Variants in CHSY3 observed in about 807,000 individuals in gnomAD.
The protein encoded by CHSY3 is chondroitin sulfate synthase 3.
In CHSY3, 35 loss-of-function variants were observed where a neutral mutation model predicts 67.2. The ratio of observed to expected loss-of-function variants is 0.52; its 90% confidence interval spans 0.40 to 0.69. The LOEUF (loss-of-function observed/expected upper bound fraction) is 0.69, where lower values mean the gene tolerates loss of function less well. CHSY3 is among the 30% of genes least tolerant of loss of function. The probability of loss-of-function intolerance (pLI) is 0.00; values close to 1 mark genes in which losing one functional copy is unlikely to be tolerated. For synonymous variants in CHSY3, 474 were observed against 434.7 expected (o/e 1.09, Z -1.12); for missense variants, 1,069 against 1,138.5 (o/e 0.94, Z 0.88).
chr5:130,083,971 A>G (rs1375624551), intron 2 of CHSY3, among the ~76,000 whole-genome samples: 1 of 151,526 alleles, frequency 6.6e-6, no homozygotes, highest in Non-Finnish European at 1.5e-5. Context: ...AGAAATATGC[A>G]TTTTTTTCAA....
At position 129,985,190 on chromosome 5, in the gene CHSY3, GT is replaced by G. The variant is rs1054084282; in HGVS notation, c.1086+76836del. On this transcript the variant is annotated intron_variant, in intron 2 of 2. Transcript: ENST00000305031. ...TAAGCATTTAATTAATCTTGAGTTG[GT>G]TTTTTAAAATATGGTGAAAGCCAAG... 1.6e-4 allele frequency among the ~76,000 whole-genome samples: 25 copies of G among 151,954 alleles called. 1 individual carries two copies. Among genetic ancestry groups the G allele is most frequent in the African/African-American group, 5.6e-4 (23 of 41,396 alleles).
intron 2 of CHSY3, among the ~76,000 whole-genome samples, chr5:130,088,046 C>G (rs1371311808): frequency 2.0e-5 from 3 of 152,094 alleles, no homozygotes; most frequent in Non-Finnish European, 2.9e-5. Context: ...TAGAACAGAG[C>G]TCTCAGAAAT....
intron 2 of CHSY3, among the ~76,000 whole-genome samples, chr5:130,031,561 C>G (rs1192694768): frequency 6.6e-6 from 1 of 152,108 alleles, no homozygotes; most frequent in East Asian, 1.9e-4. Context: ...ATAAAACTGT[C>G]ATTGGTAATC....
chr5:129,949,210 C>T (rs563296017), intron 2 of CHSY3, among the ~76,000 whole-genome samples: 1 of 152,166 alleles, frequency 6.6e-6, no homozygotes, highest in East Asian at 1.9e-4. Flanking sequence ...GACTTCAATA[C>T]TCCATTGACA....
At chr5:130,051,118 A>G (rs189111445) in intron 2 of CHSY3, among the ~76,000 whole-genome samples, 322 of 152,104 alleles carry the variant, frequency 2.1e-3, no homozygotes, top group Non-Finnish European at 2.9e-3. Flanking sequence ...CATAGGAACA[A>G]TGTATACCAA....
At position 129,905,324 on chromosome 5, in the gene CHSY3, G is replaced by C; in HGVS notation, c.495G>C (p.Pro165=). 2 of 1,526,538 alleles carry C rather than the reference G, an allele frequency of 1.3e-6. No homozygotes were observed. The highest frequency in any genetic ancestry group is 1.8e-6 in the Non-Finnish European group (2 of 1,140,780). 94.6% of individuals were successfully genotyped at this position (1,526,538 alleles called of 1,614,324 possible). ...NGSGDGGAAA[P]SARPRDFLYV... ...GCGGGGACGGGGGCGCTGCCGCCCC[G>C]AGCGCCCGACCCCGGGACTTCCTGT... Residue 165 remains proline, a synonymous_variant, in exon 1 of 3, where the codon CCG becomes CCC. Coordinates refer to ENST00000305031, the MANE Select transcript of CHSY3 (RefSeq NM_175856.5).
chr5:129,943,901 T>C (rs1241878920), intron 2 of CHSY3, among the ~76,000 whole-genome samples: 1 of 152,202 alleles, frequency 6.6e-6, no homozygotes, highest in Non-Finnish European at 1.5e-5. Context: ...ATTAGATAAA[T>C]GCTAGGTGAG....
At chr5:129,979,230 GAAAAGA>G (rs1217615174) in intron 2 of CHSY3, among the ~76,000 whole-genome samples, 3 of 127,400 alleles carry the variant, frequency 2.4e-5, no homozygotes, top group African/African-American at 8.6e-5. Flanking sequence ...AAAAAAGAAA[GAAAAGA>G]AAAAGAAAAA....
intron 2 of CHSY3, among the ~76,000 whole-genome samples, chr5:130,059,404 T>TTG (rs1554079922): frequency 5.0e-4 from 76 of 151,568 alleles, no homozygotes; most frequent in African/African-American, 1.8e-3. Context: ...TCTCTCTCTC[T>TTG]CTCGCTCTTC....
Position 130,185,268 on chromosome 5 carries a change from A to G in CHSY3, c.2126A>G (p.Asp709Gly), listed in dbSNP as rs774184000. The change falls in exon 3 of 3, where the codon GAC becomes GGC. Residue 709 changes from aspartate (D) to glycine (G), a missense_variant. Transcript: ENST00000305031. ...LGLEMASAQF[D>G]NDTLLLFCDV... is the part of the protein sequence containing the mutation. ...CTTGAAATGGCTTCTGCCCAGTTTG[A>G]CAATGACACTTTGCTGCTATTTTGT... 6.2e-7 allele frequency: 1 copy of G among 1,609,648 alleles called. No homozygotes were observed. The highest frequency in any genetic ancestry group is 8.5e-7 in the Non-Finnish European group (1 of 1,176,000).
intron 2 of CHSY3, chr5:130,002,213 T>C (rs1159157052): frequency 4.6e-6 from 1 of 216,012 alleles, no homozygotes; most frequent in Non-Finnish European, 7.9e-6. Context: ...AGTTAAGGAA[T>C]AGGTTTTATT....
chr5:129,909,498 T>C (rs1444020723), intron 2 of CHSY3, among the ~76,000 whole-genome samples: 1 of 152,072 alleles, frequency 6.6e-6, no homozygotes, highest in Non-Finnish European at 1.5e-5. Context: ...ATTTATACTT[T>C]GGGGACATAT....
At chr5:130,167,322 A>G (rs1769776653) in intron 2 of CHSY3, among the ~76,000 whole-genome samples, 1 of 152,100 alleles carries the variant, frequency 6.6e-6, no homozygotes. Context: ...ACCCTCCCAC[A>G]GAGACTAAGA....
chr5:130,147,748 A>G lies in CHSY3; in HGVS notation c.1087-36481A>G, dbSNP rs376809643. ...GAGTTTGCATGTCACATGGAAAAGCAGGAATGAGAGCGAGTAGGGGAATGA... is the reference window on the plus strand; with the variant it reads ...GAGTTTGCATGTCACATGGAAAAGCGGGAATGAGAGCGAGTAGGGGAATGA... On this transcript the variant is annotated intron_variant, in intron 2 of 2. Transcript: ENST00000305031. Among the ~76,000 whole-genome samples the G allele has an allele frequency of 2.1e-3, 322 of 152,336 alleles. 6 individuals carry two copies. In the South Asian group the frequency reaches 0.035, roughly 17 times the overall value.
At chr5:130,001,954 G>A (rs1347039780) in intron 2 of CHSY3, 1 of 854,068 alleles carries the variant, frequency 1.2e-6, no homozygotes, top group East Asian at 1.2e-4. Flanking sequence ...TAATATGTCA[G>A]CCAATCCTTA....
At chr5:129,961,662 C>T (rs993051183) in intron 2 of CHSY3, among the ~76,000 whole-genome samples, 2 of 151,822 alleles carry the variant, frequency 1.3e-5, no homozygotes, top group Non-Finnish European at 2.9e-5. Context: ...AATTATTCAA[C>T]GATTCCCTCC....
At chr5:129,916,907 A>G (rs1760748225) in intron 2 of CHSY3, among the ~76,000 whole-genome samples, 3 of 152,088 alleles carry the variant, frequency 2.0e-5, no homozygotes, top group African/African-American at 7.2e-5. Flanking sequence ...AGGTCATGAA[A>G]TATCTCTAGT....
intron 2 of CHSY3, among the ~76,000 whole-genome samples, chr5:129,979,222 A>AAAAAG (rs1762905435): frequency 1.3e-5 from 2 of 149,120 alleles, no homozygotes; most frequent in African/African-American, 2.5e-5. Flanking sequence ...AAAAAAAAAA[A>AAAAAG]AAAGAAAGAA....
chr5:129,935,373 A>G lies in CHSY3; in HGVS notation c.1086+27013A>G, dbSNP rs537219557. Among the ~76,000 whole-genome samples the G allele has an allele frequency of 1.6e-4, 24 of 152,308 alleles. No homozygotes were observed. The South Asian group carries it at 2.3e-3, about 14-fold the overall frequency. Reference sequence around the variant, plus strand: ...TCTGTGTCCCTAAATTAGAGTCGCTACAGGGCCTTACCTCAGAACACTCAT... The same window carrying G: ...TCTGTGTCCCTAAATTAGAGTCGCTGCAGGGCCTTACCTCAGAACACTCAT... On this transcript the variant is annotated intron_variant, in intron 2 of 2. Coordinates refer to ENST00000305031, the MANE Select transcript of CHSY3 (RefSeq NM_175856.5).
Sources: allele counts gnomAD v4.1 joint callset (sites outside exome capture counted in the v4.1 genomes callset), GRCh38; gene constraint gnomAD v4.1.1; transcripts MANE v1.5; gene names NCBI Gene and HGNC (gene_info 2026-07-23, HGNC 2026-07-21).